Variants in SESTD1 observed in about 807,000 individuals in gnomAD.
SESTD1 encodes the protein SEC14 and spectrin domain containing 1, also known as SEC14 domain and spectrin repeat-containing protein 1.
SESTD1 carries 43 observed loss-of-function variants against 101.7 expected under a neutral mutation model. The observed-to-expected ratio is 0.42, with a 90% confidence interval of 0.33 to 0.55. The LOEUF (loss-of-function observed/expected upper bound fraction) is 0.55, where lower values mean the gene tolerates loss of function less well. Among genes scored for constraint, SESTD1 ranks in the 20% least tolerant of loss-of-function variants. SESTD1 has a pLI of 0.07. For synonymous variants in SESTD1, 283 were observed against 286.8 expected (o/e 0.99, Z 0.13); for missense variants, 647 against 815.1 (o/e 0.79, Z 2.51).
chr2:179,264,725 G>A lies in SESTD1; in HGVS notation c.-252C>T, dbSNP rs2105567132. 1 of 151,458 alleles carries A rather than the reference G, an allele frequency of 6.6e-6. No individual in the cohort carries two copies. Among genetic ancestry groups the A allele is most frequent in the African/African-American group, 2.4e-5 (1 of 41,362 alleles). The allele number at this position is 151,458 out of a possible 1,614,324, so 9.4% of individuals were successfully genotyped here. ...CGTCAGGCGGGGAGCGGGGGTGCGG[G>A]TGGCCCGGCGACCTCTCGGCACCCG... On this transcript the variant is annotated 5_prime_UTR_variant, in exon 1 of 18. Coordinates refer to ENST00000428443, the MANE Select transcript of SESTD1 (RefSeq NM_178123.5).
In SESTD1 at chr2:179,151,372, T is replaced by C. The variant is rs2045526849; in HGVS notation, c.389A>G (p.Asn130Ser). The change falls in exon 6 of 18, where the codon AAC becomes AGC. Residue 130 changes from asparagine to serine, a missense_variant. Coordinates refer to ENST00000428443, the MANE Select transcript of SESTD1 (RefSeq NM_178123.5). ...LGFEVILVSA[N>S]KLTRYIEPCQ... ...TGGTTCTATATAACGAGTCAATTTG[T>C]TGGCGGACACTAAAATAACCTATAA... 1 of 1,600,470 alleles carries C rather than the reference T, an allele frequency of 6.2e-7. No individual in the cohort carries two copies.
Position 179,109,697 on chromosome 2 carries a change from T to C in SESTD1, c.*202A>G, listed in dbSNP as rs2044464630. ...TTTATAGTTCCTTCTTTTAAGATACTTGGAATCTACAGCCTCGAAGCATGT... is the reference window on the plus strand; with the variant it reads ...TTTATAGTTCCTTCTTTTAAGATACCTGGAATCTACAGCCTCGAAGCATGT... On this transcript the variant is annotated 3_prime_UTR_variant, in exon 18 of 18. Coordinates refer to ENST00000428443, the MANE Select transcript of SESTD1 (RefSeq NM_178123.5). 3.4e-6 allele frequency: 2 copies of C among 587,814 alleles called. No homozygotes were observed. The highest frequency in any genetic ancestry group is 1.9e-5 in the African/African-American group (1 of 53,816). 36.4% of individuals were successfully genotyped at this position (587,814 alleles called of 1,614,324 possible).
chr2:179,105,991 T>A lies in SESTD1; in HGVS notation c.*3908A>T, dbSNP rs1247088390. The stretch of plus-strand genomic sequence containing the variant: ...TAATGTCAAATGGTAAGTTTCTACT[T>A]CATTTTATCTCATCAGGGTATTTGT... On this transcript the variant is annotated 3_prime_UTR_variant, in exon 18 of 18. Coordinates refer to ENST00000428443, the MANE Select transcript of SESTD1 (RefSeq NM_178123.5). 2 of 152,190 alleles carry A rather than the reference T, an allele frequency of 1.3e-5. No homozygotes were observed. Among genetic ancestry groups the A allele is most frequent in the Admixed American group, 1.3e-4 (2 of 15,272 alleles). 9.4% of individuals were successfully genotyped at this position (152,190 alleles called of 1,614,324 possible).
At chr2:179,257,407 G>C (rs181240739) in intron 1 of SESTD1, among the ~76,000 whole-genome samples, 2 of 152,154 alleles carry the variant, frequency 1.3e-5, no homozygotes, top group African/African-American at 4.8e-5. Context: ...GAAGATATAC[G>C]TAGATCATTT....
chr2:179,109,846 T>C lies in SESTD1; in HGVS notation c.*53A>G. On this transcript the variant is annotated 3_prime_UTR_variant, in exon 18 of 18. Coordinates refer to ENST00000428443, the MANE Select transcript of SESTD1 (RefSeq NM_178123.5). ...AGGTGTGGTGGCTAATGCTGTAGTATGTTGACAACATGCGGGATTATGAAC... is the reference window on the plus strand; with the variant it reads ...AGGTGTGGTGGCTAATGCTGTAGTACGTTGACAACATGCGGGATTATGAAC... 1 of 1,601,278 alleles carries C rather than the reference T, an allele frequency of 6.2e-7. No individual in the cohort carries two copies. Among genetic ancestry groups the C allele is most frequent in the Non-Finnish European group, 8.5e-7 (1 of 1,173,382 alleles).
intron 1 of SESTD1, among the ~76,000 whole-genome samples, chr2:179,194,492 G>A (rs2046361630): frequency 6.6e-6 from 1 of 152,062 alleles, no homozygotes; most frequent in Non-Finnish European, 1.5e-5. Flanking sequence ...CACTTGGCAG[G>A]ACATGTATAT....
intron 4 of SESTD1, among the ~76,000 whole-genome samples, chr2:179,173,123 C>A (rs2045954256): frequency 1.3e-5 from 2 of 152,200 alleles, no homozygotes; most frequent in Non-Finnish European, 2.9e-5. Flanking sequence ...GTCTGTTCCA[C>A]TTCAGGTCTT....
intron 5 of SESTD1, among the ~76,000 whole-genome samples, chr2:179,153,532 G>T (rs1472197216): frequency 6.6e-6 from 1 of 152,096 alleles, no homozygotes; most frequent in African/African-American, 2.4e-5. Flanking sequence ...ATATGTATGT[G>T]TATTTTCTAG....
At position 179,173,696 on chromosome 2, in the gene SESTD1, A is replaced by G. The variant is rs368983713; in HGVS notation, c.256-1463T>C. Among the ~76,000 whole-genome samples the G allele has an allele frequency of 5.3e-5, 8 of 152,306 alleles. No individual in the cohort carries two copies. The South Asian group carries it at 1.7e-3, about 32-fold the overall frequency. On this transcript the variant is annotated intron_variant, in intron 4 of 17. Transcript: ENST00000428443. Reference sequence around the variant, plus strand: ...TATGCTCTGAACCTGGGTTCAATACATTCTTTCCGAAAGGTCCAGATAATA... The same window carrying G: ...TATGCTCTGAACCTGGGTTCAATACGTTCTTTCCGAAAGGTCCAGATAATA...
rs970300354 is a variant in SESTD1, at chr2:179,123,870, C to A, written c.1168-41G>T. 5.6e-6 allele frequency: 8 copies of A among 1,439,916 alleles called. No homozygotes were observed. The African/African-American group carries it at 7.0e-5, about 13-fold the overall frequency. The allele number at this position is 1,439,916 out of a possible 1,614,324, so 89.2% of individuals were successfully genotyped here. A position where few individuals can be genotyped will look rare whatever the true frequency, so the allele number is the denominator to read the frequency against. On this transcript the variant is annotated intron_variant, in intron 11 of 17. Transcript: ENST00000428443. ...ACCAAAGAGATAACCCTGATGTAAT[C>A]AGCATCTAAAGTGTTTAATGATTAA... is the stretch of plus-strand genomic sequence containing the variant.
At chr2:179,113,282 C>T (rs1198789090) in intron 16 of SESTD1, among the ~76,000 whole-genome samples, 1 of 152,104 alleles carries the variant, frequency 6.6e-6, no homozygotes, top group Non-Finnish European at 1.5e-5. Flanking sequence ...AGCATATAGA[C>T]ATTACAAATG....
chr2:179,237,821 T>C (rs924116475), intron 1 of SESTD1, among the ~76,000 whole-genome samples: 3 of 152,112 alleles, frequency 2.0e-5, no homozygotes, highest in African/African-American at 7.2e-5. Context: ...AGTATCTTTA[T>C]CTCTTGCCAG....
At chr2:179,192,023 A>T (rs900994193) in intron 1 of SESTD1, among the ~76,000 whole-genome samples, 157 bp from the exon 2 acceptor site, 1 of 152,188 alleles carries the variant, frequency 6.6e-6, no homozygotes, top group African/African-American at 2.4e-5. Context: ...TGTGCATTGT[A>T]GAATAGTTTG....
intron 5 of SESTD1, among the ~76,000 whole-genome samples, chr2:179,154,784 T>C (rs1204499674): frequency 1.3e-5 from 2 of 152,202 alleles, no homozygotes; most frequent in Non-Finnish European, 2.9e-5. Context: ...CTGCATTTAA[T>C]AGACATATAC....
rs141891937 is a variant in SESTD1 at position 179,225,837 on chromosome 2, C to G, written c.-25-33971G>C. ...AGCATAGCCCTTCTGACTCAATCAC[C>G]TCCGAAAGGCTATATACCTCTTAAT... is the stretch of plus-strand genomic sequence containing the variant. On this transcript the variant is annotated intron_variant, in intron 1 of 17. Coordinates refer to ENST00000428443, the MANE Select transcript of SESTD1 (RefSeq NM_178123.5). Among the ~76,000 whole-genome samples the G allele has an allele frequency of 2.0e-3, 301 of 152,304 alleles. 1 individual carries two copies. Among genetic ancestry groups the G allele is most frequent in the African/African-American group, 6.7e-3 (279 of 41,576 alleles).
rs1257263717 is a variant in SESTD1 at position 179,121,804 on chromosome 2, C to T, written c.1408G>A (p.Gly470Arg). 3 of 1,605,012 alleles carry T rather than the reference C, an allele frequency of 1.9e-6. No homozygotes were observed. The highest frequency in any genetic ancestry group is 2.7e-5 in the African/African-American group (2 of 74,390). The change falls in exon 13 of 18, where the codon GGA (glycine) becomes AGA (arginine). Residue 470 changes from glycine to arginine, a missense_variant. Transcript: ENST00000428443. Reference sequence around the variant, plus strand: ...CTAAGCTGCATATCTTCCATCACTCCTTGTATGTGGTCCACATTTTCTTTA... The same window carrying T: ...CTAAGCTGCATATCTTCCATCACTCTTTGTATGTGGTCCACATTTTCTTTA... ...ENKENVDHIQ[G>R]VMEDMQLRKQ...
chr2:179,191,115 C>T (rs905837891), intron 2 of SESTD1, among the ~76,000 whole-genome samples: 2 of 152,148 alleles, frequency 1.3e-5, no homozygotes, highest in Non-Finnish European at 2.9e-5. Flanking sequence ...ATCAAAAAGA[C>T]ACATGCATTC....
chr2:179,229,896 C>T (rs1042284110), intron 1 of SESTD1, among the ~76,000 whole-genome samples: 2 of 149,804 alleles, frequency 1.3e-5, no homozygotes, highest in African/African-American at 4.9e-5. Context: ...AACTGTGCTA[C>T]ACTGACAGAA....
At chr2:179,175,558 C>T (rs1358323590) in intron 4 of SESTD1, among the ~76,000 whole-genome samples, 1 of 152,070 alleles carries the variant, frequency 6.6e-6, no homozygotes, top group Non-Finnish European at 1.5e-5. Flanking sequence ...ATTGTATTTG[C>T]TTCATTATGA....
Sources: gnomAD v4.1 joint callset for allele counts (sites outside exome capture counted in the v4.1 genomes callset) on GRCh38, gnomAD v4.1.1 for gene constraint, MANE v1.5 for transcripts, NCBI Gene and HGNC (gene_info 2026-07-23, HGNC 2026-07-21) for gene names.